Variants in MCTP1 observed in about 807,000 individuals in gnomAD.
MCTP1 encodes multiple C2 and transmembrane domain containing 1.
MCTP1 carries 69 observed loss-of-function variants against 120.6 expected under a neutral mutation model. The ratio of observed to expected loss-of-function variants is 0.57; its 90% CI spans 0.47 to 0.70. MCTP1 has a LOEUF of 0.70. Among genes scored for constraint, MCTP1 ranks in the 30% least tolerant of loss-of-function variants. MCTP1 has a pLI of 0.00. For missense variants in MCTP1, 1,203 were observed against 1,248.8 expected (o/e 0.96, Z 0.55); for synonymous variants, 529 against 493.1 (o/e 1.07, Z -0.96).
In MCTP1 at chr5:95,241,350, G is replaced by T. The variant is rs941330353; in HGVS notation, c.720+42506C>A. On this transcript the variant is annotated intron_variant, in intron 1 of 22. Coordinates refer to ENST00000515393, the MANE Select transcript of MCTP1 (RefSeq NM_024717.7). ...TGTCATATTTGTAACTCAACTTATG[G>T]TCTCTAAAATGAGGATAATGCCATT... Among the ~76,000 whole-genome samples the T allele has an allele frequency of 2.0e-5, 3 of 152,078 alleles. No individual in the cohort carries two copies. The East Asian group carries it at 5.8e-4, about 29-fold the overall frequency.
chr5:95,064,965 T>A (rs1040731436), intron 1 of MCTP1, among the ~76,000 whole-genome samples: 26 of 152,200 alleles, frequency 1.7e-4, no homozygotes, highest in African/African-American at 5.5e-4. Context: ...TGATCTTGTG[T>A]AACAACCCTG....
intron 1 of MCTP1, among the ~76,000 whole-genome samples, chr5:95,136,746 C>A (rs1295839420): frequency 6.6e-6 from 1 of 152,150 alleles, no homozygotes; most frequent in African/African-American, 2.4e-5. Context: ...GATTTGTGTA[C>A]CTGGTCCAGA....
intron 10 of MCTP1, among the ~76,000 whole-genome samples, chr5:94,906,335 A>G (rs1030466779): frequency 6.6e-6 from 1 of 152,028 alleles, no homozygotes; most frequent in Non-Finnish European, 1.5e-5. Context: ...AAAATACAAA[A>G]ATTAGCCGGG....
chr5:94,843,219 T>C (rs1272795169), intron 17 of MCTP1, among the ~76,000 whole-genome samples: 2 of 151,996 alleles, frequency 1.3e-5, no homozygotes, highest in Admixed American at 6.6e-5. Context: ...CTGTTCTCCA[T>C]CCTTTAAAGG....
rs1720271768 is a variant in MCTP1 at position 95,248,386 on chromosome 5, G to A, written c.720+35470C>T. ...CATTCCTATACACCAATAATAGACA[G>A]AGAGCCAAATCATGAGTGAACTCCT... On this transcript the variant is annotated intron_variant, in intron 1 of 22. Transcript: ENST00000515393. Among the ~76,000 whole-genome samples the A allele has an allele frequency of 3.3e-5, 5 of 151,958 alleles. No individual in the cohort carries two copies. The South Asian group carries it at 1.0e-3, about 32-fold the overall frequency.
At chr5:94,815,513 G>A (rs1381386949) in intron 17 of MCTP1, among the ~76,000 whole-genome samples, 1 of 152,164 alleles carries the variant, frequency 6.6e-6, no homozygotes, top group African/African-American at 2.4e-5. Context: ...GACACTGGGC[G>A]AATCCAGCTC....
intron 1 of MCTP1, among the ~76,000 whole-genome samples, chr5:95,216,466 C>T (rs147178029): frequency 6.6e-6 from 1 of 152,190 alleles, no homozygotes; most frequent in African/African-American, 2.4e-5. Flanking sequence ...AGAATATTCT[C>T]TTGGCATTTA....
chr5:95,211,324 G>T (rs1046755758), intron 1 of MCTP1, among the ~76,000 whole-genome samples: 11 of 152,198 alleles, frequency 7.2e-5, no homozygotes, highest in Non-Finnish European at 7.3e-5. Flanking sequence ...ATCAGACGTA[G>T]ATTTGGTCTT....
At chr5:94,965,045 C>T (rs1825253273) in intron 2 of MCTP1, among the ~76,000 whole-genome samples, 1 of 152,160 alleles carries the variant, frequency 6.6e-6, no homozygotes, top group African/African-American at 2.4e-5. Context: ...CTTATCTTTA[C>T]TAATGAGTTT....
chr5:95,077,653 T>C (rs188249089), intron 1 of MCTP1, among the ~76,000 whole-genome samples: 1 of 152,248 alleles, frequency 6.6e-6, no homozygotes, highest in East Asian at 1.9e-4. Flanking sequence ...TTTGTATTTT[T>C]AGTAGAGACA....
intron 1 of MCTP1, among the ~76,000 whole-genome samples, chr5:95,087,857 T>C (rs537196614): frequency 6.6e-6 from 1 of 152,306 alleles, no homozygotes; most frequent in Non-Finnish European, 1.5e-5. Flanking sequence ...TATGGGATCC[T>C]GTCTGGCATG....
intron 19 of MCTP1, among the ~76,000 whole-genome samples, chr5:94,744,016 G>A (rs1375110573): frequency 6.6e-6 from 1 of 152,010 alleles, no homozygotes; most frequent in Non-Finnish European, 1.5e-5. Context: ...CATCACCCAA[G>A]GTGGAGTGCA....
chr5:94,738,612 C>T (rs1216885307), intron 19 of MCTP1, among the ~76,000 whole-genome samples: 2 of 152,170 alleles, frequency 1.3e-5, no homozygotes, highest in Non-Finnish European at 2.9e-5. Flanking sequence ...AGAAGCCCTA[C>T]TTGACTACTA....
At position 95,017,409 on chromosome 5, in the gene MCTP1, T is replaced by C. The variant is rs1837325720; in HGVS notation, c.796A>G (p.Thr266Ala). ...GCTAAACTTTGACCCCTTCTTAATG[T>C]AATGTCCAGCTGGTACATTCCGGGA... Reference protein sequence around the residue: ...ADPGMYQLDITLRRGQSLAAR... With the variant: ...ADPGMYQLDIALRRGQSLAAR... The change falls in exon 2 of 23, where the codon ACA becomes GCA. Residue 266 changes from threonine to alanine, a missense_variant. Physicochemically the swap from Thr to Ala is moderately conservative, Grantham distance 58. This residue lies in a region of MCTP1 where 740 missense variants were observed against 871.1 expected (regional missense o/e 0.85). Coordinates refer to ENST00000515393, the MANE Select transcript of MCTP1 (RefSeq NM_024717.7). 1 of 1,610,226 alleles carries C rather than the reference T, an allele frequency of 6.2e-7. No individual in the cohort carries two copies. The highest frequency in any genetic ancestry group is 8.5e-7 in the Non-Finnish European group (1 of 1,177,606).
At chr5:95,165,941 C>T (rs570119723) in intron 1 of MCTP1, among the ~76,000 whole-genome samples, 1 of 152,272 alleles carries the variant, frequency 6.6e-6, no homozygotes, top group South Asian at 2.1e-4. Context: ...AGTAATATTC[C>T]TTCCCTTTGT....
intron 1 of MCTP1, among the ~76,000 whole-genome samples, chr5:95,200,018 A>T (rs1304689980): frequency 1.3e-5 from 2 of 151,324 alleles, no homozygotes; most frequent in African/African-American, 4.9e-5. Flanking sequence ...AAAATTATCC[A>T]AGGGTGGTGG....
intron 1 of MCTP1, among the ~76,000 whole-genome samples, chr5:95,045,947 C>T (rs1178490328): frequency 2.0e-5 from 3 of 152,050 alleles, no homozygotes; most frequent in Admixed American, 6.6e-5. Context: ...TCAGCTTTCC[C>T]TTCTGTGAAA....
At chr5:95,203,638 T>C (rs1562234273) in intron 1 of MCTP1, among the ~76,000 whole-genome samples, 2 of 152,188 alleles carry the variant, frequency 1.3e-5, no homozygotes, top group Non-Finnish European at 2.9e-5. Flanking sequence ...ATCAAATGAA[T>C]GAATTCATAA....
At chr5:95,153,297 T>C (rs1744747581) in intron 1 of MCTP1, among the ~76,000 whole-genome samples, 1 of 152,206 alleles carries the variant, frequency 6.6e-6, no homozygotes, top group African/African-American at 2.4e-5. Context: ...CCTCCATGAT[T>C]GTAAGTTTCC....
Sources: gnomAD v4.1 joint callset for allele counts (sites outside exome capture counted in the v4.1 genomes callset) on GRCh38, gnomAD v4.1.1 for gene constraint, gnomAD v4.1.1 regional missense constraint, MANE v1.5 for transcripts, NCBI Gene and HGNC (gene_info 2026-07-23, HGNC 2026-07-21) for gene names.